The following NANOS3 variants were observed in gnomAD, a reference collection of about 807,000 sequenced individuals.
NANOS3 encodes nanos C2HC-type zinc finger 3, also known as nanos homolog 3.
In NANOS3, 11 loss-of-function variants were observed where a neutral mutation model predicts 13.8. The observed-to-expected ratio is 0.80, with a 90% CI of 0.50 to 1.32. The LOEUF (loss-of-function observed/expected upper bound fraction) is 1.32. NANOS3 is among the 40% of genes most tolerant of loss of function. The pLI is 0.00. For synonymous variants in NANOS3, 119 were observed against 115.4 expected (o/e 1.03, Z -0.20); for missense variants, 221 against 263.8 (o/e 0.84, Z 1.12).
upstream of NANOS3, among the ~76,000 whole-genome samples, chr19:13,873,010 G>A (rs1401722563): frequency 6.6e-6 from 1 of 151,872 alleles, no homozygotes; most frequent in South Asian, 2.1e-4. Context: ...GGACCTTAGT[G>A]GGGGGTTGGG....
intron 1 of NANOS3, among the ~76,000 whole-genome samples, chr19:13,879,676 T>C (rs183626462): frequency 1.3e-5 from 2 of 151,430 alleles, no homozygotes; most frequent in East Asian, 1.9e-4. Context: ...TGCAGTGAGC[T>C]GAGATGGTGC....
chr19:13,877,819 C>T, intron 1 of NANOS3, 54 bp downstream of exon 1: 10 of 1,504,134 alleles, frequency 6.6e-6, no homozygotes, highest in Non-Finnish European at 8.0e-6. Context: ...GCTGAGCCCC[C>T]CTGTGAAGTA....
At chr19:13,879,745 C>T (rs1298889511) in intron 1 of NANOS3, among the ~76,000 whole-genome samples, 3 of 148,548 alleles carry the variant, frequency 2.0e-5, no homozygotes, top group African/African-American at 7.6e-5. Context: ...AAAAAAAGCA[C>T]TGGTCATGGT....
At position 13,877,154 on chromosome 19, in the gene NANOS3, A is replaced by T; in HGVS notation, c.-95A>T. 9.5e-7 allele frequency: 1 copy of T among 1,049,956 alleles called. No individual in the cohort carries two copies. Among genetic ancestry groups the T allele is most frequent in the Non-Finnish European group, 1.4e-6 (1 of 711,648 alleles). 65.0% of individuals were successfully genotyped at this position (1,049,956 alleles called of 1,614,324 possible). A position where few individuals can be genotyped will look rare whatever the true frequency, so the allele number is the denominator to read the frequency against. On this transcript the variant is annotated 5_prime_UTR_variant, in exon 1 of 2. Transcript: ENST00000339133. ...CTCCCAGGCTCCAGAGAGGGGAAGG[A>T]AGGGGCAGCAGAGAGGGGTCAGAAG... is the stretch of plus-strand genomic sequence containing the variant.
chr19:13,879,100 C>T (rs1038022262), intron 1 of NANOS3, among the ~76,000 whole-genome samples: 13 of 152,054 alleles, frequency 8.5e-5, no homozygotes, highest in Non-Finnish European at 1.6e-4. Context: ...CCACCACGCA[C>T]GGCTAATTTT....
intron 1 of NANOS3, 119 bp from the exon 2 acceptor site, chr19:13,880,323 G>A: frequency 1.1e-6 from 1 of 885,402 alleles, no homozygotes; most frequent in South Asian, 1.6e-5. Context: ...GCTGTCTCCG[G>A]AGCAGCCCCT....
At chr19:13,862,468 T>C (rs991540501), upstream of NANOS3, among the ~76,000 whole-genome samples, 3 of 151,704 alleles carry the variant, frequency 2.0e-5, no homozygotes, top group Admixed American at 2.0e-4. Flanking sequence ...GCAGGACAGC[T>C]GGCCGGTCCT....
At chr19:13,869,341 A>G (rs907319864) in intron 1 of NANOS3, among the ~76,000 whole-genome samples, 1 of 151,666 alleles carries the variant, frequency 6.6e-6, no homozygotes, top group East Asian at 1.9e-4. Flanking sequence ...TGGCCCCTCC[A>G]TAGCCCCCAA....
At chr19:13,867,244 G>A (rs1444432439) in intron 1 of NANOS3, among the ~76,000 whole-genome samples, 1 of 152,042 alleles carries the variant, frequency 6.6e-6, no homozygotes, top group African/African-American at 2.4e-5. Context: ...CCCGGCCACA[G>A]TTTCCTTTTT....
chr19:13,867,337 T>TGCA (rs1319880250), intron 1 of NANOS3, among the ~76,000 whole-genome samples: 1 of 143,984 alleles, frequency 6.9e-6, no homozygotes, highest in African/African-American at 2.5e-5. Context: ...CTAGGCTCAC[T>TGCA]GCAATCTAGG....
intron 1 of NANOS3, among the ~76,000 whole-genome samples, chr19:13,870,942 A>G (rs1976318753): frequency 6.6e-6 from 1 of 151,756 alleles, no homozygotes; most frequent in Non-Finnish European, 1.5e-5. Context: ...CCCTGCCCAG[A>G]AAGACCCTCC....
chr19:13,862,388 G>GC (rs1214412880), upstream of NANOS3, among the ~76,000 whole-genome samples: 6 of 152,120 alleles, frequency 3.9e-5, no homozygotes, highest in Non-Finnish European at 8.8e-5. Flanking sequence ...GATCAGTCCC[G>GC]CCGGCCTCCA....
intron 1 of NANOS3, among the ~76,000 whole-genome samples, chr19:13,879,467 G>A (rs1400041817): frequency 2.0e-5 from 3 of 152,288 alleles, no homozygotes; most frequent in East Asian, 1.9e-4. Flanking sequence ...CAGGTGTGAT[G>A]GCTTACACCT....
intron 1 of NANOS3, among the ~76,000 whole-genome samples, chr19:13,871,382 C>A (rs1976325248): frequency 6.6e-6 from 1 of 152,172 alleles, no homozygotes; most frequent in African/African-American, 2.4e-5. Flanking sequence ...CCCAGATGGA[C>A]ACTGAGGGCC....
chr19:13,863,101 C>T (rs1976181574), upstream of NANOS3, among the ~76,000 whole-genome samples: 1 of 152,230 alleles, frequency 6.6e-6, no homozygotes, highest in Admixed American at 6.5e-5. Flanking sequence ...TCATACACGT[C>T]TATGAGTGGA....
upstream of NANOS3, among the ~76,000 whole-genome samples, chr19:13,876,550 C>T (rs1009088927): frequency 1.2e-4 from 19 of 152,112 alleles, no homozygotes; most frequent in African/African-American, 3.9e-4. Flanking sequence ...CTAAGACAAC[C>T]GATGTGAAAA....
At chr19:13,875,375 C>T (rs973976335), upstream of NANOS3, among the ~76,000 whole-genome samples, 1 of 151,654 alleles carries the variant, frequency 6.6e-6, no homozygotes, top group South Asian at 2.1e-4. Context: ...TTAGTAGAGA[C>T]GAGATTTCAC....
upstream of NANOS3, among the ~76,000 whole-genome samples, chr19:13,864,915 C>A (rs1041409184): frequency 2.0e-5 from 3 of 152,074 alleles, no homozygotes; most frequent in Non-Finnish European, 4.4e-5. Flanking sequence ...TGTCTCGCAG[C>A]CCCCTGCACA....
At chr19:13,862,721 T>C (rs1436362878), upstream of NANOS3, among the ~76,000 whole-genome samples, 2 of 151,978 alleles carry the variant, frequency 1.3e-5, no homozygotes, top group Non-Finnish European at 2.9e-5. Flanking sequence ...GTGTTTTTAG[T>C]AGAGAAGAGA....
Sources: allele counts gnomAD v4.1 joint callset (sites outside exome capture counted in the v4.1 genomes callset), GRCh38; gene constraint gnomAD v4.1.1; transcripts MANE v1.5; gene names NCBI Gene and HGNC (gene_info 2026-07-23, HGNC 2026-07-21).